KIFAP3: variants seen among roughly 807,000 people sequenced by gnomAD.
KIFAP3 encodes kinesin associated protein 3.
In KIFAP3, 68 loss-of-function variants were observed where a neutral mutation model predicts 106.5. The ratio of observed to expected loss-of-function variants is 0.64; its 90% CI spans 0.53 to 0.78. KIFAP3 has a LOEUF of 0.78. Ranked by LOEUF, KIFAP3 falls within the 30% of genes least tolerant of loss-of-function variation. The pLI, the probability that KIFAP3 is intolerant of heterozygous loss-of-function variation, is 0.00. For missense variants in KIFAP3, 780 were observed against 941.8 expected (o/e 0.83, Z 2.25); for synonymous variants, 320 against 311.5 (o/e 1.03, Z -0.29).
chr1:170,062,274 C>A (rs1405740628), intron 1 of KIFAP3, among the ~76,000 whole-genome samples: 1 of 148,404 alleles, frequency 6.7e-6, no homozygotes, highest in Non-Finnish European at 1.5e-5. Flanking sequence ...AAAAAACCCA[C>A]CACCCCCAAA....
At chr1:170,053,647 T>C (rs1448084903) in intron 2 of KIFAP3, among the ~76,000 whole-genome samples, 1 of 151,920 alleles carries the variant, frequency 6.6e-6, no homozygotes, top group Non-Finnish European at 1.5e-5. Context: ...AAAACAGGGA[T>C]AAAGACCAAT....
Position 170,074,462 on chromosome 1 carries a change from T to A in KIFAP3, c.6A>T (p.Gln2His), listed in dbSNP as rs774569071. The change falls in exon 1 of 20, where the codon CAA (glutamine) becomes CAT (histidine). Residue 2 changes from glutamine (Q) to histidine (H), a missense_variant. By Grantham distance (24) the Gln-to-His change is conservative. Transcript: ENST00000361580. The stretch of plus-strand genomic sequence containing the variant: ...TTTTGAGGTATCTGGCGTCCTCCCC[T>A]TGCATGGCGGCAGCGGCAGCGGCGT... M[Q>H]GEDARYLKRK... 4.4e-6 allele frequency: 7 copies of A among 1,608,680 alleles called. No individual in the cohort carries two copies. The highest frequency in any genetic ancestry group is 1.6e-4 in the Middle Eastern group (1 of 6,062).
chr1:169,970,828 G>T (rs1665884821), intron 17 of KIFAP3, among the ~76,000 whole-genome samples: 3 of 152,010 alleles, frequency 2.0e-5, no homozygotes, highest in African/African-American at 7.2e-5. Context: ...AGCAATGGAA[G>T]CAGAAGCCAG....
intron 10 of KIFAP3, among the ~76,000 whole-genome samples, chr1:170,012,600 A>G (rs1221602924): frequency 6.6e-6 from 1 of 152,146 alleles, no homozygotes; most frequent in East Asian, 1.9e-4. Flanking sequence ...CAAAATTCTT[A>G]TGTTGAAACA....
intron 10 of KIFAP3, among the ~76,000 whole-genome samples, chr1:169,998,789 T>C (rs1389417779): frequency 1.3e-5 from 2 of 152,198 alleles, no homozygotes; most frequent in Admixed American, 1.3e-4. Flanking sequence ...TTTCAATATA[T>C]GAAGACTACA....
At chr1:170,077,643 A>G (rs2102191114), upstream of KIFAP3, among the ~76,000 whole-genome samples, 1 of 152,346 alleles carries the variant, frequency 6.6e-6, no homozygotes, top group Non-Finnish European at 1.5e-5. Flanking sequence ...CTTAAGTCAT[A>G]TAATTACCTG....
At chr1:169,993,292 A>G (rs1410375704) in intron 10 of KIFAP3, among the ~76,000 whole-genome samples, 3 of 151,214 alleles carry the variant, frequency 2.0e-5, no homozygotes, top group Non-Finnish European at 2.9e-5. Context: ...TTTTATTTTT[A>G]GTAGAGACAG....
intron 14 of KIFAP3, among the ~76,000 whole-genome samples, 184 bp from the exon 15 acceptor site, chr1:169,982,281 T>C (rs1229107316): frequency 6.6e-6 from 1 of 152,102 alleles, no homozygotes; most frequent in African/African-American, 2.4e-5. Context: ...CAGTTTGTGA[T>C]AGTGGGGGCA....
intron 17 of KIFAP3, among the ~76,000 whole-genome samples, chr1:169,963,023 T>C (rs2101868148): frequency 1.3e-5 from 2 of 152,250 alleles, no homozygotes; most frequent in Non-Finnish European, 2.9e-5. Flanking sequence ...CTGTGTGTCA[T>C]GGGGGTTTGG....
chr1:170,013,815 G>A (rs1432996020), intron 10 of KIFAP3, among the ~76,000 whole-genome samples: 1 of 151,936 alleles, frequency 6.6e-6, no homozygotes, highest in East Asian at 1.9e-4. Flanking sequence ...ATGGCGATGT[G>A]ATTTGCTTTT....
Position 169,921,642 on chromosome 1 carries a change from T to A in KIFAP3, c.*34A>T. 6.5e-7 allele frequency: 1 copy of A among 1,540,530 alleles called. No individual in the cohort carries two copies. On this transcript the variant is annotated 3_prime_UTR_variant, in exon 20 of 20. Coordinates refer to ENST00000361580, the MANE Select transcript of KIFAP3 (RefSeq NM_014970.4). ...TAACCCAACCCACACAGATTTCTTC[T>A]AAGCTGAGATTACACATGGAAACAG...
chr1:169,984,075 AATCTTACCTATGATTATCTGTGGATGGT>A (rs1318205502), intron 12 of KIFAP3, among the ~76,000 whole-genome samples: 13 of 151,906 alleles, frequency 8.6e-5, no homozygotes, highest in African/African-American at 2.9e-4. Flanking sequence ...ATTACACTAA[AATCTTACCTATGATTATCTGTGGATGGT>A]AGGAAATAAA....
intron 1 of KIFAP3, among the ~76,000 whole-genome samples, chr1:170,080,356 A>C (rs937570175): frequency 6.6e-6 from 1 of 152,140 alleles, no homozygotes; most frequent in Non-Finnish European, 1.5e-5. Context: ...ATTTATCTAT[A>C]GATTCTATAT....
At chr1:170,000,082 C>A (rs1482183830) in intron 10 of KIFAP3, among the ~76,000 whole-genome samples, 1 of 151,916 alleles carries the variant, frequency 6.6e-6, no homozygotes, top group Non-Finnish European at 1.5e-5. Flanking sequence ...AGTAAAAACA[C>A]CATTCAATTA....
chr1:170,050,460 A>G (rs1670518620), intron 2 of KIFAP3, among the ~76,000 whole-genome samples: 1 of 152,206 alleles, frequency 6.6e-6, no homozygotes, highest in Non-Finnish European at 1.5e-5. Context: ...CTAGCAAGAC[A>G]GGCCAACATT....
chr1:169,959,219 T>C (rs1665188773), intron 18 of KIFAP3, among the ~76,000 whole-genome samples: 1 of 152,090 alleles, frequency 6.6e-6, no homozygotes, highest in Admixed American at 6.6e-5. Context: ...GATGCTACAA[T>C]CATACACAAT....
At chr1:169,945,618 C>T (rs1366268795) in intron 19 of KIFAP3, among the ~76,000 whole-genome samples, 2 of 152,192 alleles carry the variant, frequency 1.3e-5, no homozygotes, top group Non-Finnish European at 2.9e-5. Flanking sequence ...ATGTGCATGC[C>T]TTCAAAATTT....
chr1:169,946,505 TG>T (rs1456473913), intron 19 of KIFAP3, among the ~76,000 whole-genome samples: 3 of 152,140 alleles, frequency 2.0e-5, no homozygotes, highest in African/African-American at 7.2e-5. Context: ...GCTTGTCATC[TG>T]GAGGCAATAA....
chr1:169,983,352 G>C lies in KIFAP3; in HGVS notation c.1424C>G (p.Ala475Gly). ...GNGLKMLMKR[A>G]LKFKDPLLMK... ...CAGCAATGGATCCTTAAACTTCAGA[G>C]CCCTCTTCATGAGCATCTTCAGCCC... is the stretch of plus-strand genomic sequence containing the variant. Residue 475 changes from alanine to glycine, a missense_variant, in exon 13 of 20, where the codon GCT becomes GGT. This residue lies in a region of KIFAP3 where 588 missense variants were observed against 678.9 expected (regional missense o/e 0.87). Coordinates refer to ENST00000361580, the MANE Select transcript of KIFAP3 (RefSeq NM_014970.4). 1 of 1,609,162 alleles carries C rather than the reference G, an allele frequency of 6.2e-7. No individual in the cohort carries two copies. Among genetic ancestry groups the C allele is most frequent in the Non-Finnish European group, 8.5e-7 (1 of 1,177,298 alleles).
Sources: gnomAD v4.1 joint callset for allele counts (sites outside exome capture counted in the v4.1 genomes callset) on GRCh38, gnomAD v4.1.1 for gene constraint, gnomAD v4.1.1 regional missense constraint, MANE v1.5 for transcripts, NCBI Gene and HGNC (gene_info 2026-07-23, HGNC 2026-07-21) for gene names.